PCLO: variants seen among roughly 807,000 people sequenced by gnomAD.
The protein encoded by PCLO is piccolo presynaptic cytomatrix protein.
A neutral mutation model predicts 427.5 loss-of-function variants in PCLO; 82 were observed. The observed-to-expected ratio is 0.19, with a 90% CI of 0.16 to 0.23. PCLO has a LOEUF of 0.23. PCLO is among the 10% of genes least tolerant of loss of function. PCLO has a pLI of 1.00. For synonymous variants in PCLO, 2,357 were observed against 2,155.4 expected (o/e 1.09, Z -2.59); for missense variants, 6,239 against 6,115.9 (o/e 1.02, Z -0.67).
chr7:82,756,834 G>T lies in PCLO; in HGVS notation c.*1741C>A, dbSNP rs1447919796. ...GGGATAGCAAAATTTGCATTTTCAT[G>T]TAATTCTTCACCTTTAGTCAGGTTA... On this transcript the variant is annotated 3_prime_UTR_variant, in exon 25 of 25. Transcript: ENST00000333891. 6.6e-6 allele frequency: 1 copy of T among 151,974 alleles called. No homozygotes were observed. 9.4% of individuals were successfully genotyped at this position (151,974 alleles called of 1,614,324 possible). A position where few individuals can be genotyped will look rare whatever the true frequency, so the allele number is the denominator to read the frequency against.
chr7:82,820,997 C>A (rs1274648283), intron 20 of PCLO: 1 of 1,223,402 alleles, frequency 8.2e-7, no homozygotes, highest in Admixed American at 4.3e-5. Context: ...CCCACAAAAG[C>A]ACATTAAAAA....
At chr7:83,131,201 A>C (rs1230895905) in intron 3 of PCLO, among the ~76,000 whole-genome samples, 2 of 152,216 alleles carry the variant, frequency 1.3e-5, no homozygotes, top group Non-Finnish European at 2.9e-5. Flanking sequence ...AAAGCCTAAA[A>C]GAATTGTCTC....
At chr7:82,980,325 G>A (rs1442791164) in intron 3 of PCLO, among the ~76,000 whole-genome samples, 2 of 152,116 alleles carry the variant, frequency 1.3e-5, no homozygotes, top group African/African-American at 2.4e-5. Flanking sequence ...CATTGCAGGA[G>A]TGGTGTCACC....
intron 22 of PCLO, among the ~76,000 whole-genome samples, chr7:82,776,255 A>G (rs753774434): frequency 3.9e-5 from 6 of 152,230 alleles, no homozygotes; most frequent in Non-Finnish European, 4.4e-5. Flanking sequence ...AGCTAAGGGC[A>G]TGAGCCAAAA....
At chr7:83,115,049 T>C (rs57032262) in intron 3 of PCLO, among the ~76,000 whole-genome samples, 6,327 of 152,116 alleles carry the variant, frequency 0.042, 163 homozygotes, top group South Asian at 0.072. Flanking sequence ...TGTTGATGAA[T>C]TAAACAAGAA....
chr7:82,911,502 T>G (rs1794319827), intron 7 of PCLO, among the ~76,000 whole-genome samples: 1 of 152,154 alleles, frequency 6.6e-6, no homozygotes, highest in South Asian at 2.1e-4. Context: ...AAATAAGTTA[T>G]TTCTGGATCT....
chr7:82,842,577 A>G (rs914987057), intron 13 of PCLO, among the ~76,000 whole-genome samples: 2 of 152,134 alleles, frequency 1.3e-5, no homozygotes, highest in African/African-American at 2.4e-5. Context: ...TGCATAGCCA[A>G]TCAGCTTCTG....
chr7:82,998,394 C>A (rs781485995), intron 3 of PCLO, among the ~76,000 whole-genome samples: 1 of 21,058 alleles, frequency 4.7e-5, no homozygotes, highest in Non-Finnish European at 7.6e-5. Context: ...CCTTTAAAAA[C>A]AACAACAACA....
At chr7:82,863,767 A>T (rs1477497561) in intron 10 of PCLO, among the ~76,000 whole-genome samples, 1 of 152,040 alleles carries the variant, frequency 6.6e-6, no homozygotes, top group Non-Finnish European at 1.5e-5. Context: ...TGTAAAAGTA[A>T]TGGCAATATA....
intron 3 of PCLO, among the ~76,000 whole-genome samples, chr7:83,011,326 G>A (rs1200777920): frequency 6.6e-6 from 1 of 151,642 alleles, no homozygotes; most frequent in Admixed American, 6.6e-5. Flanking sequence ...TATAATTATT[G>A]TATACTTGTT....
In PCLO at chr7:82,932,071, CT is replaced by C. The variant is rs1584173929; in HGVS notation, c.11113-15199del. ...GTGATGTAGGAAGTATATTTATTCA[CT>C]GTCATCAAGGCAGCAATTATCAGGG... On this transcript the variant is annotated intron_variant, in intron 6 of 24. Transcript: ENST00000333891. Among the ~76,000 whole-genome samples the C allele has an allele frequency of 2.6e-5, 4 of 152,196 alleles. No homozygotes were observed. In the East Asian group the frequency reaches 7.7e-4, roughly 29 times the overall value.
chr7:82,882,702 T>C (rs1793536871), intron 9 of PCLO, among the ~76,000 whole-genome samples: 1 of 152,026 alleles, frequency 6.6e-6, no homozygotes, highest in South Asian at 2.1e-4. Flanking sequence ...ATTAAGAAAA[T>C]GCATTACCTC....
At position 82,801,559 on chromosome 7, in the gene PCLO, A is replaced by G; in HGVS notation, c.14966T>C (p.Val4989Ala). Residue 4989 changes from valine to alanine, a missense_variant, in exon 22 of 25, where the codon GTA (valine) becomes GCA (alanine). Coordinates refer to ENST00000333891, the MANE Select transcript of PCLO (RefSeq NM_033026.6). ...GKMGQNGQEP[V>A]KQPGVGVGLA... ...TCCTACTCCTACCCCTGGCTGTTTTACAGGCTCTTGTCCATTCTGTCCCAT... is the reference window on the plus strand; with the variant it reads ...TCCTACTCCTACCCCTGGCTGTTTTGCAGGCTCTTGTCCATTCTGTCCCAT... 6.3e-7 allele frequency: 1 copy of G among 1,598,240 alleles called. No homozygotes were observed. Among genetic ancestry groups the G allele is most frequent in the Middle Eastern group, 1.7e-4 (1 of 6,040 alleles).
chr7:83,039,579 C>T (rs914584117), intron 3 of PCLO, among the ~76,000 whole-genome samples: 1 of 152,050 alleles, frequency 6.6e-6, no homozygotes, highest in African/African-American at 2.4e-5. Flanking sequence ...TATGTAGTAC[C>T]ACATTAACTT....
At chr7:83,120,623 A>C (rs954037569) in intron 3 of PCLO, among the ~76,000 whole-genome samples, 4 of 152,150 alleles carry the variant, frequency 2.6e-5, no homozygotes, top group Non-Finnish European at 5.9e-5. Flanking sequence ...CATAAACATG[A>C]GCTCCAATAC....
intron 10 of PCLO, among the ~76,000 whole-genome samples, chr7:82,874,184 T>TA (rs397817319): frequency 2.6e-5 from 4 of 151,924 alleles, no homozygotes; most frequent in Admixed American, 6.6e-5. Flanking sequence ...TTTTTTTTTT[T>TA]AAATCACTTA....
intron 6 of PCLO, among the ~76,000 whole-genome samples, chr7:82,920,092 C>T (rs1266899831): frequency 6.6e-6 from 1 of 151,642 alleles, no homozygotes; most frequent in African/African-American, 2.4e-5. Context: ...CTGACAAAGA[C>T]AATAAAAACT....
Position 82,845,366 on chromosome 7 carries a change from G to T in PCLO, c.13951C>A (p.His4651Asn), listed in dbSNP as rs766537731. The T allele has an allele frequency of 6.2e-7, 1 of 1,613,340 alleles. No homozygotes were observed. Among genetic ancestry groups the T allele is most frequent in the South Asian group, 1.1e-5 (1 of 91,074 alleles). ...SSVVEKGSHV[H>N]SGPTSAGSSS... is the part of the protein sequence containing the mutation. ...GATCCTGCTGATGTAGGACCTGAATGAACATGAGATCCTTTTTCAACAACT... is the reference window on the plus strand; with the variant it reads ...GATCCTGCTGATGTAGGACCTGAATTAACATGAGATCCTTTTTCAACAACT... Residue 4651 changes from histidine (H) to asparagine (N), a missense_variant, in exon 13 of 25, where the codon CAT (histidine) becomes AAT (asparagine). Physicochemically the swap from His to Asn is moderately conservative, Grantham distance 68 (BLOSUM62 1). Transcript: ENST00000333891.
chr7:83,145,258 A>T (rs180817711), intron 2 of PCLO, among the ~76,000 whole-genome samples: 1 of 152,304 alleles, frequency 6.6e-6, no homozygotes, highest in African/African-American at 2.4e-5. Flanking sequence ...ACAAAGAAGT[A>T]TGAATCAATG....
Sources: allele counts gnomAD v4.1 joint callset (sites outside exome capture counted in the v4.1 genomes callset), GRCh38; gene constraint gnomAD v4.1.1; transcripts MANE v1.5; gene names NCBI Gene and HGNC (gene_info 2026-07-23, HGNC 2026-07-21).